The following UQCRH variants were observed in gnomAD, a reference collection of about 807,000 sequenced individuals.
The protein encoded by UQCRH is cytochrome b-c1 complex subunit 6, mitochondrial.
A neutral mutation model predicts 16.3 loss-of-function variants in UQCRH; 14 were observed. The observed-to-expected ratio is 0.86, with a 90% CI of 0.57 to 1.34. The LOEUF is 1.34. Among genes scored for constraint, UQCRH ranks in the 40% most tolerant of loss-of-function variants. The pLI is 0.00. For synonymous variants in UQCRH, 41 were observed against 41.9 expected, an observed-to-expected ratio of 0.98 and a Z score of 0.08; for missense variants, 89 against 111.9, an observed-to-expected ratio of 0.80 and a Z score of 0.92.
At chr1:46,316,036 T>C (rs1372323674) in intron 3 of UQCRH, among the ~76,000 whole-genome samples, 1 of 152,212 alleles carries the variant, frequency 6.6e-6, no homozygotes, top group Non-Finnish European at 1.5e-5. Context: ...TATACCTTTC[T>C]CAGGGTAATA....
In UQCRH at chr1:46,309,102, AG is replaced by A. The variant is rs1164544867; in HGVS notation, c.58del (p.Glu20LysfsTer7). 1.2e-6 allele frequency: 2 copies of A among 1,612,948 alleles called. No homozygotes were observed. ...ATTAATTTTGTTTTCCTTTTGTAGG[AG>A]GAAGAGGAAGAGGAGGAATTAGTGG... ...MLTESGDPEE[E>X]EEEEEELVDP... is the part of the protein sequence containing the mutation. On this transcript the variant is annotated frameshift_variant and splice_region_variant, in exon 2 of 4. Transcript: ENST00000311672. LOFTEE classifies it high-confidence loss of function.
intron 3 of UQCRH, among the ~76,000 whole-genome samples, chr1:46,314,673 CA>C (rs200199978): frequency 0.026 from 1,535 of 59,016 alleles, 16 homozygotes; most frequent in African/African-American, 0.071. Context: ...AACTCCGTCT[CA>C]AAAAAAAAAA....
intron 1 of UQCRH, among the ~76,000 whole-genome samples, chr1:46,306,380 GT>G (rs58917170): frequency 0.019 from 2,363 of 125,134 alleles, 31 homozygotes; most frequent in Middle Eastern, 0.047. Context: ...AACTTTTTCA[GT>G]TTTTTTTTTT....
intron 1 of UQCRH, among the ~76,000 whole-genome samples, chr1:46,305,389 A>G (rs916179663): frequency 2.0e-5 from 3 of 151,612 alleles, no homozygotes; most frequent in African/African-American, 7.3e-5. Context: ...GATGAGAAAA[A>G]GCAAGTAATT....
intron 3 of UQCRH, among the ~76,000 whole-genome samples, chr1:46,311,754 G>A (rs1388461121): frequency 6.7e-6 from 1 of 149,966 alleles, no homozygotes; most frequent in South Asian, 2.1e-4. Context: ...CACCATTCCC[G>A]GCTAATGGTT....
chr1:46,311,339 GGAGGC>G (rs1661470139), intron 3 of UQCRH, among the ~76,000 whole-genome samples: 1 of 150,362 alleles, frequency 6.7e-6, no homozygotes, highest in Non-Finnish European at 1.5e-5. Context: ...AGGCGGAGGC[GGAGGC>G]GGAGGCGGGC....
At chr1:46,311,656 G>A (rs1441131790) in intron 3 of UQCRH, among the ~76,000 whole-genome samples, 9 of 135,614 alleles carry the variant, frequency 6.6e-5, no homozygotes, top group Middle Eastern at 6.2e-3. Context: ...GCAGTGGCGC[G>A]ATCTCGGCTC....
At chr1:46,316,518 C>T in intron 3 of UQCRH, 34 bp from the exon 4 acceptor site, 1 of 1,613,440 alleles carries the variant, frequency 6.2e-7, no homozygotes. Flanking sequence ...TTAAAGCTGC[C>T]AATTGATTAC....
At chr1:46,305,524 G>A (rs1661356878) in intron 1 of UQCRH, among the ~76,000 whole-genome samples, 1 of 83,972 alleles carries the variant, frequency 1.2e-5, no homozygotes, top group Admixed American at 1.3e-4. Context: ...GGAGGCCGAG[G>A]CGGGTGGATC....
chr1:46,309,670 T>TA (rs764614791), intron 2 of UQCRH: 1,484 of 162,128 alleles, frequency 9.2e-3, no homozygotes, highest in Middle Eastern at 0.021. Context: ...AACTCCGTCT[T>TA]AAAAAAAAAA....
At chr1:46,315,606 A>G (rs1370603410) in intron 3 of UQCRH, among the ~76,000 whole-genome samples, 1 of 151,810 alleles carries the variant, frequency 6.6e-6, no homozygotes, top group Non-Finnish European at 1.5e-5. Flanking sequence ...AAAAAAAAAA[A>G]AAAAAGATTA....
At chr1:46,313,815 T>C (rs530055998) in intron 3 of UQCRH, among the ~76,000 whole-genome samples, 1 of 151,576 alleles carries the variant, frequency 6.6e-6, no homozygotes, top group African/African-American at 2.4e-5. Flanking sequence ...CACTCCAGCC[T>C]GGGTGACAGA....
At chr1:46,305,985 C>G (rs1044740727) in intron 1 of UQCRH, among the ~76,000 whole-genome samples, 9 of 151,966 alleles carry the variant, frequency 5.9e-5, no homozygotes, top group Admixed American at 5.2e-4. Flanking sequence ...TTAGTAGAGA[C>G]AGGGTTTCAC....
At chr1:46,311,731 CGCAGGCG>C (rs1661481152) in intron 3 of UQCRH, among the ~76,000 whole-genome samples, 1 of 147,202 alleles carries the variant, frequency 6.8e-6, no homozygotes, top group Non-Finnish European at 1.5e-5. Flanking sequence ...TAGCTGGGAC[CGCAGGCG>C]CCCGCCACCA....
At chr1:46,316,373 C>T (rs1661583259) in intron 3 of UQCRH, among the ~76,000 whole-genome samples, 179 bp from the exon 4 acceptor site, 1 of 152,012 alleles carries the variant, frequency 6.6e-6, no homozygotes, top group Admixed American at 6.6e-5. Flanking sequence ...GATCTAAATT[C>T]TAAAGGAAGA....
chr1:46,311,819 G>C (rs1017319246), intron 3 of UQCRH, among the ~76,000 whole-genome samples: 2 of 151,286 alleles, frequency 1.3e-5, no homozygotes, highest in Admixed American at 1.3e-4. Flanking sequence ...TAGTAGAGAC[G>C]GGGTTTCACT....
chr1:46,313,076 A>G (rs1661509280), intron 3 of UQCRH, among the ~76,000 whole-genome samples: 1 of 152,184 alleles, frequency 6.6e-6, no homozygotes, highest in Non-Finnish European at 1.5e-5. Flanking sequence ...TATATGACAC[A>G]GCAATTACAC....
chr1:46,312,989 G>A (rs923632030), intron 3 of UQCRH, among the ~76,000 whole-genome samples: 4 of 152,102 alleles, frequency 2.6e-5, no homozygotes, highest in African/African-American at 9.7e-5. Context: ...CTCATACGCT[G>A]TCAGTAAAAG....
chr1:46,314,364 CAAAAA>C (rs59435183), intron 3 of UQCRH, among the ~76,000 whole-genome samples: 2,341 of 73,066 alleles, frequency 0.032, 125 homozygotes, highest in East Asian at 0.24. Flanking sequence ...GACTCCGTCT[CAAAAA>C]AAAAAAAAAA....
Sources: allele counts gnomAD v4.1 joint callset (sites outside exome capture counted in the v4.1 genomes callset), GRCh38; gene constraint gnomAD v4.1.1; transcripts MANE v1.5; gene names NCBI Gene and HGNC (gene_info 2026-07-23, HGNC 2026-07-21).